Variants in AKAP6 observed in about 807,000 individuals in gnomAD.
AKAP6 encodes A-kinase anchoring protein 6, also known as A-kinase anchor protein 6.
In AKAP6, 58 loss-of-function variants were observed where a neutral mutation model predicts 188.5. The observed-to-expected ratio is 0.31, with a 90% CI of 0.25 to 0.38. The LOEUF is 0.38. Ranked by LOEUF, AKAP6 falls within the 10% of genes least tolerant of loss-of-function variation. AKAP6 has a pLI of 1.00. For synonymous variants in AKAP6, 989 were observed against 998.6 expected, an observed-to-expected ratio of 0.99 and a Z score of 0.18; for missense variants, 2,710 against 2,740.0, an observed-to-expected ratio of 0.99 and a Z score of 0.24.
chr14:32,396,879 C>T (rs892646620), intron 1 of AKAP6, among the ~76,000 whole-genome samples: 2 of 152,152 alleles, frequency 1.3e-5, no homozygotes, highest in Admixed American at 1.3e-4. Context: ...ACTTTTTAAG[C>T]TAGTTTGATA....
At chr14:32,716,030 A>T (rs2030179526) in intron 9 of AKAP6, among the ~76,000 whole-genome samples, 1 of 152,016 alleles carries the variant, frequency 6.6e-6, no homozygotes, top group South Asian at 2.1e-4. Flanking sequence ...CTAATGAAGT[A>T]TTAACAGTAT....
At chr14:32,446,939 T>A (rs571055324) in intron 2 of AKAP6, among the ~76,000 whole-genome samples, 11 of 152,324 alleles carry the variant, frequency 7.2e-5, no homozygotes, top group South Asian at 4.1e-4. Context: ...TTATTGATTT[T>A]TTATAGATTT....
At chr14:32,648,588 C>T (rs1479836217) in intron 7 of AKAP6, among the ~76,000 whole-genome samples, 1 of 152,118 alleles carries the variant, frequency 6.6e-6, no homozygotes, top group African/African-American at 2.4e-5. Context: ...TGTATCTTAG[C>T]TTACTTGAAT....
intron 9 of AKAP6, among the ~76,000 whole-genome samples, chr14:32,706,337 A>G (rs1890810524): frequency 6.6e-6 from 1 of 152,138 alleles, no homozygotes; most frequent in Non-Finnish European, 1.5e-5. Flanking sequence ...TGTTCTGTGA[A>G]AGCCCCCAAA....
chr14:32,736,853 C>T (rs1275694958), intron 11 of AKAP6, among the ~76,000 whole-genome samples: 2 of 152,114 alleles, frequency 1.3e-5, no homozygotes, highest in Admixed American at 6.6e-5. Context: ...TCTTGCTCAC[C>T]TCTATAACCC....
rs764681184 is a variant in AKAP6 at position 32,824,561 on chromosome 14, G to C, written c.6748G>C (p.Asp2250His). 6.2e-7 allele frequency: 1 copy of C among 1,613,916 alleles called. No individual in the cohort carries two copies. Among genetic ancestry groups the C allele is most frequent in the Non-Finnish European group, 8.5e-7 (1 of 1,179,936 alleles). ...CTTAGAGTTTACTCCTTCAAAGCTT[G>C]ACAGTGAAAAGGAAAGTTCCGGAAA... ...ENLEFTPSKL[D>H]SEKESSGKPG... Residue 2250 changes from aspartate (D) to histidine (H), a missense_variant, in exon 13 of 14, where the codon GAC (aspartate) becomes CAC (histidine). Asp to His is a moderately conservative substitution (Grantham distance 81). Transcript: ENST00000280979.
intron 7 of AKAP6, among the ~76,000 whole-genome samples, chr14:32,626,724 G>A (rs1252656947): frequency 6.6e-6 from 1 of 152,008 alleles, no homozygotes; most frequent in Non-Finnish European, 1.5e-5. Context: ...CACCCATTAA[G>A]CTCTTCCTAA....
At position 32,835,213 on chromosome 14, in the gene AKAP6, A is replaced by T. The variant is rs868435643; in HGVS notation, c.*5408A>T. The T allele has an allele frequency of 4.6e-5, 7 of 152,312 alleles. No individual in the cohort carries two copies. Among genetic ancestry groups the T allele is most frequent in the South Asian group, 2.1e-4 (1 of 4,830 alleles). The allele number at this position is 152,312 out of a possible 1,614,324, so 9.4% of individuals were successfully genotyped here. On this transcript the variant is annotated 3_prime_UTR_variant, in exon 14 of 14. Transcript: ENST00000280979. ...CTAAATTCCGACACATTTTCTTAGG[A>T]TAGATTTCCATTTGCAAATTCAGTG...
intron 11 of AKAP6, among the ~76,000 whole-genome samples, chr14:32,771,679 G>A (rs1462538964): frequency 2.0e-5 from 3 of 152,156 alleles, no homozygotes; most frequent in Non-Finnish European, 4.4e-5. Flanking sequence ...TACCTTTAGT[G>A]CCATCCATTG....
Position 32,546,319 on chromosome 14 carries a change from C to T in AKAP6, c.1666C>T (p.Pro556Ser). 6.2e-7 allele frequency: 1 copy of T among 1,614,182 alleles called. No individual in the cohort carries two copies. The highest frequency in any genetic ancestry group is 8.5e-7 in the Non-Finnish European group (1 of 1,180,026). The part of the protein sequence containing the change: ...TNSASTSSLE[P>S]CNQRSWNAKL... The stretch of plus-strand genomic sequence containing the variant: ...TTCTGCTTCCACATCCTCACTTGAG[C>T]CTTGTAATCAGAGAAGTTGGAATGC... Residue 556 changes from proline to serine, a missense_variant, in exon 4 of 14, where the codon CCT (proline) becomes TCT (serine). Pro to Ser is a moderately conservative substitution (Grantham distance 74). Transcript: ENST00000280979.
At position 32,540,168 on chromosome 14, in the gene AKAP6, CTATA is replaced by C. The variant is rs61668961; in HGVS notation, c.576+4385_576+4388del. 9.3e-3 allele frequency among the ~76,000 whole-genome samples: 567 copies of C among 60,880 alleles called. 9 individuals are homozygous for C. The highest frequency in any genetic ancestry group is 0.018 in the South Asian group (30 of 1,652). 39.9% of individuals were successfully genotyped at this position (60,880 alleles called of 152,430 possible). On this transcript the variant is annotated intron_variant, in intron 3 of 13. Coordinates refer to ENST00000280979, the MANE Select transcript of AKAP6 (RefSeq NM_004274.5). Reference sequence around the variant, plus strand: ...TCTCTCTCTCTCTCTCTCTCTCTCTCTATATATATATATATATATATATATTTTA... The same window carrying C: ...TCTCTCTCTCTCTCTCTCTCTCTCTCTATATATATATATATATATATTTTA...
intron 2 of AKAP6, chr14:32,495,203 G>C (rs1880244175): frequency 6.6e-6 from 1 of 152,168 alleles, no homozygotes; most frequent in Admixed American, 6.5e-5. Flanking sequence ...GATTCTGTTT[G>C]TAAAGCTGGT....
At chr14:32,637,758 T>C (rs1320718263) in intron 7 of AKAP6, among the ~76,000 whole-genome samples, 3 of 152,046 alleles carry the variant, frequency 2.0e-5, no homozygotes, top group Non-Finnish European at 4.4e-5. Context: ...CAGTTTGTAG[T>C]TACAGTGTGG....
intron 5 of AKAP6, among the ~76,000 whole-genome samples, chr14:32,582,594 G>A (rs8018498): frequency 0.035 from 5,295 of 152,198 alleles, 299 homozygotes; most frequent in African/African-American, 0.12. Context: ...TTTCCAACTT[G>A]GTTCCATTCT....
intron 4 of AKAP6, among the ~76,000 whole-genome samples, chr14:32,573,893 G>A (rs1205884143): frequency 6.6e-6 from 1 of 152,116 alleles, no homozygotes; most frequent in African/African-American, 2.4e-5. Context: ...CACTTTCTTG[G>A]TCTTTCTAAG....
intron 11 of AKAP6, among the ~76,000 whole-genome samples, chr14:32,764,889 T>A (rs2032659447): frequency 6.6e-6 from 1 of 151,670 alleles, no homozygotes; most frequent in African/African-American, 2.4e-5. Flanking sequence ...CAGCAATTGA[T>A]AAGTCCCAAT....
chr14:32,772,573 C>G (rs2032932127), intron 11 of AKAP6, among the ~76,000 whole-genome samples: 1 of 152,134 alleles, frequency 6.6e-6, no homozygotes, highest in Non-Finnish European at 1.5e-5. Flanking sequence ...AGTGGGACAT[C>G]TGTATGAAAT....
intron 3 of AKAP6, among the ~76,000 whole-genome samples, chr14:32,542,938 C>T (rs1043811646): frequency 6.6e-6 from 1 of 152,094 alleles, no homozygotes; most frequent in East Asian, 1.9e-4. Flanking sequence ...CATGACTGCA[C>T]ATATTTATAG....
At chr14:32,654,601 C>T (rs1472565732) in intron 7 of AKAP6, among the ~76,000 whole-genome samples, 1 of 151,578 alleles carries the variant, frequency 6.6e-6, no homozygotes, top group Non-Finnish European at 1.5e-5. Context: ...AATCCCAGCA[C>T]TTTCAGAGGC....
Sources: allele counts gnomAD v4.1 joint callset (sites outside exome capture counted in the v4.1 genomes callset), GRCh38; gene constraint gnomAD v4.1.1; transcripts MANE v1.5; gene names NCBI Gene and HGNC (gene_info 2026-07-23, HGNC 2026-07-21).